RASA3: variants seen among roughly 807,000 people sequenced by gnomAD.
The protein encoded by RASA3 is RAS p21 protein activator 3.
RASA3 carries 73 observed loss-of-function variants against 110.0 expected under a neutral mutation model. The ratio of observed to expected loss-of-function variants is 0.66; its 90% CI spans 0.55 to 0.81. The LOEUF is 0.81. Among genes scored for constraint, RASA3 ranks in the 30% least tolerant of loss-of-function variants. The probability of loss-of-function intolerance (pLI) is 0.00; values close to 1 mark genes in which losing one functional copy is unlikely to be tolerated. For missense variants in RASA3, 976 were observed against 1,113.2 expected, an observed-to-expected ratio of 0.88 and a Z score of 1.75; for synonymous variants, 500 against 451.4, an observed-to-expected ratio of 1.11 and a Z score of -1.37.
At chr13:114,132,365 G>T in intron 1 of RASA3, 70 bp downstream of exon 1, 1 of 1,401,084 alleles carries the variant, frequency 7.1e-7, no homozygotes, top group Non-Finnish European at 9.3e-7. Flanking sequence ...ATCTGCGGAG[G>T]GGAGGCGGGC....
chr13:114,038,078 A>G (rs2054314720), intron 4 of RASA3, among the ~76,000 whole-genome samples: 1 of 98,748 alleles, frequency 1.0e-5, no homozygotes. Flanking sequence ...TTAAATCAGT[A>G]AAAAAAAAAA....
intron 1 of RASA3, among the ~76,000 whole-genome samples, chr13:114,121,778 G>A (rs2139791076): frequency 6.6e-6 from 1 of 152,342 alleles, no homozygotes; most frequent in Admixed American, 6.5e-5. Context: ...CATTGCGCTA[G>A]CCCTGTACAG....
At chr13:114,002,741 A>G in intron 18 of RASA3, among the ~76,000 whole-genome samples, 1 of 152,196 alleles carries the variant, frequency 6.6e-6, no homozygotes, top group Non-Finnish European at 1.5e-5. Flanking sequence ...GTGGCTCCTC[A>G]CTGCACAGCT....
intron 2 of RASA3, among the ~76,000 whole-genome samples, chr13:114,071,207 T>C (rs2079567968): frequency 6.6e-6 from 1 of 152,206 alleles, no homozygotes; most frequent in Admixed American, 6.5e-5. Flanking sequence ...GGCCTCAACC[T>C]CCTGGCCTCA....
rs536039284 is a variant in RASA3, at chr13:114,032,079, G to A, written c.373-2192C>T. Among the ~76,000 whole-genome samples the A allele has an allele frequency of 2.6e-5, 4 of 152,292 alleles. No homozygotes were observed. The South Asian group carries it at 8.3e-4, about 32-fold the overall frequency. On this transcript the variant is annotated intron_variant, in intron 4 of 23. Coordinates refer to ENST00000334062, the MANE Select transcript of RASA3 (RefSeq NM_007368.4). ...TAATAAAATAATAGCCAAAAAATTA[G>A]TCAGGAGATATTTATTCCCTATACA...
chr13:114,018,163 G>C lies in RASA3; in HGVS notation c.1032C>G (p.His344Gln). Reference protein sequence around the residue: ...AAVPLVRLFLHYGRVVPFISA... With the variant: ...AAVPLVRLFLQYGRVVPFISA... ...TGATGAATGGCACCACCCTGCCATA[G>C]TGTAGGAAGAGCCGCACCAGCGGGA... The change falls in exon 11 of 24, where the codon CAC (histidine) becomes CAG (glutamine). Residue 344 changes from histidine (H) to glutamine (Q), a missense_variant. This residue lies in a region of RASA3 where 732 missense variants were observed against 779.7 expected (regional missense o/e 0.94). Transcript: ENST00000334062. The C allele has an allele frequency of 6.4e-7, 1 of 1,551,014 alleles. No individual in the cohort carries two copies. The highest frequency in any genetic ancestry group is 8.7e-7 in the Non-Finnish European group (1 of 1,147,224).
chr13:114,003,537 G>C (rs931086889), intron 18 of RASA3, among the ~76,000 whole-genome samples: 7 of 152,194 alleles, frequency 4.6e-5, no homozygotes, highest in African/African-American at 1.7e-4. Flanking sequence ...ATAAGTGTTA[G>C]AAATAATAGT....
Position 114,112,482 on chromosome 13 carries a change from C to T in RASA3, c.55+19953G>A, listed in dbSNP as rs1019891570. 2.6e-5 allele frequency among the ~76,000 whole-genome samples: 4 copies of T among 152,174 alleles called. No homozygotes were observed. Among genetic ancestry groups the T allele is most frequent in the African/African-American group, 4.8e-5 (2 of 41,438 alleles). On this transcript the variant is annotated intron_variant, in intron 1 of 23. Transcript: ENST00000334062. The surrounding 1 kb of genome is among the most constrained non-coding windows in gnomAD (Gnocchi z 4.8). Reference sequence around the variant, plus strand: ...ACCGGGGTCTCAGATTTCAGCCGGACGGGAACTCTCTGCAGGGCCGGTGGA... The same window carrying T: ...ACCGGGGTCTCAGATTTCAGCCGGATGGGAACTCTCTGCAGGGCCGGTGGA...
chr13:114,043,663 G>C (rs1350551039), intron 3 of RASA3, among the ~76,000 whole-genome samples: 1 of 152,056 alleles, frequency 6.6e-6, no homozygotes, highest in Non-Finnish European at 1.5e-5. Context: ...CAAGAACCAA[G>C]GGGGCCGGCA....
chr13:114,100,140 G>A (rs1169736914), intron 1 of RASA3, among the ~76,000 whole-genome samples: 1 of 151,180 alleles, frequency 6.6e-6, no homozygotes, highest in Non-Finnish European at 1.5e-5. Flanking sequence ...TCCAAACTCT[G>A]CGCAATAGGA....
At chr13:114,077,408 CG>C (rs2079704303) in intron 1 of RASA3, among the ~76,000 whole-genome samples, 2 of 149,906 alleles carry the variant, frequency 1.3e-5, no homozygotes, top group African/African-American at 4.9e-5. Flanking sequence ...TTCATCCCTC[CG>C]TCCCTGCCTG....
At position 114,011,067 on chromosome 13, in the gene RASA3, A is replaced by C. The variant is rs2053627877; in HGVS notation, c.1590+104T>G. 3 of 1,097,814 alleles carry C rather than the reference A, an allele frequency of 2.7e-6. No homozygotes were observed. The highest frequency in any genetic ancestry group is 3.1e-5 in the African/African-American group (2 of 64,680). The allele number at this position is 1,097,814 out of a possible 1,614,324, so 68.0% of individuals were successfully genotyped here. On this transcript the variant is annotated intron_variant, in intron 16 of 23. Transcript: ENST00000334062. The surrounding 1 kb of genome is among the most constrained non-coding windows in gnomAD (Gnocchi z 4.8). ...GTGCCGGCTTTGATTCTTGATCTTT[A>C]TCTTACGACTCTCTCAAATGTGGGA...
chr13:114,106,132 TCTG>T (rs931421373), intron 1 of RASA3, among the ~76,000 whole-genome samples: 150 of 152,326 alleles, frequency 9.8e-4, no homozygotes, highest in Non-Finnish European at 1.5e-3. Flanking sequence ...GCACACGGCC[TCTG>T]CTGTCTTTTC....
intron 1 of RASA3, among the ~76,000 whole-genome samples, chr13:114,087,365 C>T (rs1440915850): frequency 6.6e-6 from 1 of 152,206 alleles, no homozygotes; most frequent in Non-Finnish European, 1.5e-5. Context: ...GTATTTATTC[C>T]CTTCGTCCTC....
At chr13:113,984,347 C>G (rs1239824414) in intron 22 of RASA3, among the ~76,000 whole-genome samples, 1 of 123,704 alleles carries the variant, frequency 8.1e-6, no homozygotes, top group African/African-American at 2.7e-5. Flanking sequence ...GTCCACCTAC[C>G]CATCACTCAC....
intron 19 of RASA3, 27 bp downstream of exon 19, chr13:114,000,799 G>T: frequency 2.0e-6 from 3 of 1,511,102 alleles, no homozygotes; most frequent in East Asian, 4.5e-5. Flanking sequence ...TCCAGCAAGA[G>T]CCAGGGAAAG....
Position 114,065,319 on chromosome 13 carries a change from G to A in RASA3, c.173+8401C>T, listed in dbSNP as rs1469263444. Among the ~76,000 whole-genome samples, 2 of 152,222 alleles carry A rather than the reference G, an allele frequency of 1.3e-5. No individual in the cohort carries two copies. Among genetic ancestry groups the A allele is most frequent in the Non-Finnish European group, 2.9e-5 (2 of 68,044 alleles). ...TGGTTTCCCAGCTCTGTGCTCTGCCGCAGGCTCGGGGCCCATTTCCCAAAC... is the reference window on the plus strand; with the variant it reads ...TGGTTTCCCAGCTCTGTGCTCTGCCACAGGCTCGGGGCCCATTTCCCAAAC... On this transcript the variant is annotated intron_variant, in intron 2 of 23. Transcript: ENST00000334062. The surrounding 1 kb of genome is among the most constrained non-coding windows in gnomAD (Gnocchi z 4.1).
chr13:114,002,978 G>A (rs980409712), intron 18 of RASA3, among the ~76,000 whole-genome samples: 2 of 152,302 alleles, frequency 1.3e-5, no homozygotes, highest in African/African-American at 4.8e-5. Flanking sequence ...CCTGAGAGAC[G>A]GCAGAGGTGT....
intron 17 of RASA3, among the ~76,000 whole-genome samples, 182 bp from the exon 18 acceptor site, chr13:114,007,788 C>T (rs1480896314): frequency 6.6e-6 from 1 of 152,234 alleles, no homozygotes; most frequent in Non-Finnish European, 1.5e-5. Flanking sequence ...GCCACCCCAG[C>T]CCCGGCACTG....
Sources: allele counts gnomAD v4.1 joint callset (sites outside exome capture counted in the v4.1 genomes callset), GRCh38; gene constraint gnomAD v4.1.1; regional missense constraint gnomAD v4.1.1; non-coding constraint Gnocchi (gnomAD v3.1); transcripts MANE v1.5; gene names NCBI Gene and HGNC (gene_info 2026-07-23, HGNC 2026-07-21).